The following ANXA4 variants were observed in gnomAD, a reference collection of about 807,000 sequenced individuals.
The protein encoded by ANXA4 is annexin A4.
In ANXA4, 39 loss-of-function variants were observed where a neutral mutation model predicts 49.8. The ratio of observed to expected loss-of-function variants is 0.78; its 90% CI spans 0.61 to 1.02. The LOEUF (loss-of-function observed/expected upper bound fraction) is 1.02, where lower values mean the gene tolerates loss of function less well. ANXA4 is among the 50% of genes least tolerant of loss of function. The pLI, the probability that ANXA4 is intolerant of heterozygous loss-of-function variation, is 0.00. For missense variants in ANXA4, 360 were observed against 410.1 expected, an observed-to-expected ratio of 0.88 and a Z score of 1.05; for synonymous variants, 134 against 152.5, an observed-to-expected ratio of 0.88 and a Z score of 0.89.
intron 1 of ANXA4, among the ~76,000 whole-genome samples, chr2:69,745,619 C>T (rs757006799): frequency 3.0e-4 from 45 of 151,972 alleles, no homozygotes; most frequent in Middle Eastern, 3.4e-3. Flanking sequence ...CAACCTTTGC[C>T]TCCCAGGTTC....
rs187896258 is a variant in ANXA4 at position 69,778,585 on chromosome 2, G to A, written c.-46-2935G>A. Among the ~76,000 whole-genome samples, 382 of 152,236 alleles carry A rather than the reference G, an allele frequency of 2.5e-3. 1 individual carries two copies. Among genetic ancestry groups the A allele is most frequent in the Non-Finnish European group, 3.2e-3 (218 of 68,020 alleles). ...GACGTCGGGAGTTCGAGACCAGCCT[G>A]ACCAACATGGAGAAACCCTGTCTCT... On this transcript the variant is annotated intron_variant, in intron 1 of 12. Transcript: ENST00000394295.
At position 69,769,851 on chromosome 2, in the gene ANXA4, T is replaced by C. The variant is rs1041525817; in HGVS notation, c.-46-11669T>C. 3.9e-5 allele frequency among the ~76,000 whole-genome samples: 6 copies of C among 152,074 alleles called. No homozygotes were observed. In the East Asian group the frequency reaches 1.2e-3, roughly 29 times the overall value. On this transcript the variant is annotated intron_variant, in intron 1 of 12. Coordinates refer to ENST00000394295, the MANE Select transcript of ANXA4 (RefSeq NM_001153.5). The stretch of plus-strand genomic sequence containing the variant: ...CTAATTTTTGTATTTTTAGTAGAGA[T>C]GGGGTTTCCTCATGTTGGCCAGGCT...
At chr2:69,655,473 A>G (rs1676403339) in intron 2 of ANXA4, among the ~76,000 whole-genome samples, 1 of 152,214 alleles carries the variant, frequency 6.6e-6, no homozygotes, top group South Asian at 2.1e-4. Flanking sequence ...CAAAACCACA[A>G]TGAGATACCA....
chr2:69,723,572 T>C (rs1033318577), intron 3 of ANXA4, among the ~76,000 whole-genome samples: 5 of 152,186 alleles, frequency 3.3e-5, no homozygotes, highest in African/African-American at 9.6e-5. Context: ...TGAATAAACA[T>C]TTTCCTTTAG....
intron 3 of ANXA4, among the ~76,000 whole-genome samples, chr2:69,795,529 T>A (rs1672909467): frequency 6.6e-6 from 1 of 152,146 alleles, no homozygotes; most frequent in African/African-American, 2.4e-5. Context: ...TGTTACAGGG[T>A]CTGAGGAGGC....
At chr2:69,679,818 A>G (rs1677534333) in intron 2 of ANXA4, among the ~76,000 whole-genome samples, 1 of 152,200 alleles carries the variant, frequency 6.6e-6, no homozygotes, top group Non-Finnish European at 1.5e-5. Flanking sequence ...TTGGCTGGAA[A>G]TAAGTGGATT....
intron 1 of ANXA4, among the ~76,000 whole-genome samples, chr2:69,761,659 G>A (rs148234818): frequency 5.0e-4 from 76 of 151,754 alleles, no homozygotes; most frequent in African/African-American, 1.8e-3. Context: ...AGTGGCTCAC[G>A]CCTGTAATCC....
chr2:69,691,564 C>G (rs576828904), intron 2 of ANXA4, among the ~76,000 whole-genome samples: 8 of 51,462 alleles, frequency 1.6e-4, no homozygotes, highest in Middle Eastern at 0.011. Flanking sequence ...TTCACACACA[C>G]ACACACATGC....
At chr2:69,676,267 A>G (rs998703111) in intron 2 of ANXA4, among the ~76,000 whole-genome samples, 1 of 152,068 alleles carries the variant, frequency 6.6e-6, no homozygotes, top group Non-Finnish European at 1.5e-5. Context: ...AGTAAATAAA[A>G]ATTAAACTAA....
chr2:69,729,848 A>G (rs1276880480), intron 3 of ANXA4, among the ~76,000 whole-genome samples: 1 of 152,244 alleles, frequency 6.6e-6, no homozygotes, highest in Non-Finnish European at 1.5e-5. Flanking sequence ...ATAATTCTCC[A>G]TGGCTTCTGT....
At chr2:69,748,778 G>A (rs910876498) in intron 1 of ANXA4, among the ~76,000 whole-genome samples, 5 of 148,298 alleles carry the variant, frequency 3.4e-5, no homozygotes, top group South Asian at 4.2e-4. Flanking sequence ...TGGCATGATC[G>A]TGGCTCACTG....
intron 3 of ANXA4, among the ~76,000 whole-genome samples, chr2:69,795,287 G>A (rs1011065576): frequency 3.3e-5 from 5 of 152,170 alleles, no homozygotes; most frequent in African/African-American, 1.2e-4. Flanking sequence ...TGGTCTGGCC[G>A]GAGGGATCCT....
intron 2 of ANXA4, among the ~76,000 whole-genome samples, chr2:69,714,944 A>G (rs1347759672): frequency 6.6e-6 from 1 of 152,226 alleles, no homozygotes; most frequent in Non-Finnish European, 1.5e-5. Context: ...CAGTGAAGTC[A>G]AGTAACAGAT....
intron 3 of ANXA4, among the ~76,000 whole-genome samples, chr2:69,728,965 A>G (rs551092130): frequency 6.6e-6 from 1 of 152,296 alleles, no homozygotes; most frequent in African/African-American, 2.4e-5. Flanking sequence ...CATATTTACC[A>G]TATTAAATCA....
intron 2 of ANXA4, among the ~76,000 whole-genome samples, chr2:69,787,418 G>T (rs1177628686): frequency 2.0e-5 from 3 of 152,180 alleles, no homozygotes; most frequent in African/African-American, 7.2e-5. Context: ...CGTTTTTTAA[G>T]TGCTGTGTCT....
rs534790976 is a variant in ANXA4 at position 69,664,829 on chromosome 2, G to A, written n.766+11547G>A. Among the ~76,000 whole-genome samples, 8 of 152,276 alleles carry A rather than the reference G, an allele frequency of 5.3e-5. No individual in the cohort carries two copies. In the East Asian group the frequency reaches 7.7e-4, roughly 15 times the overall value. The stretch of plus-strand genomic sequence containing the variant: ...TAAAGTAATGCTATGTTGGCCAGGC[G>A]CAGTGGCTTATGCCTGTAATCCCAG... On this transcript the variant is annotated intron_variant and non_coding_transcript_variant, in intron 2 of 3. Transcript: ENST00000418066.
At chr2:69,683,372 T>C (rs976871218) in intron 2 of ANXA4, among the ~76,000 whole-genome samples, 3 of 152,184 alleles carry the variant, frequency 2.0e-5, no homozygotes, top group African/African-American at 7.2e-5. Context: ...TTTGTTCTAA[T>C]TGAGTGATGT....
At chr2:69,679,159 C>T (rs953201676) in intron 2 of ANXA4, among the ~76,000 whole-genome samples, 1 of 151,984 alleles carries the variant, frequency 6.6e-6, no homozygotes, top group Admixed American at 6.6e-5. Context: ...GGTTTTGAGA[C>T]AAAGTCTCAC....
chr2:69,808,596 T>G (rs1416141931), intron 6 of ANXA4: 2 of 152,986 alleles, frequency 1.3e-5, no homozygotes, highest in Admixed American at 1.3e-4. Context: ...AACAAAATAT[T>G]ATACACTTAC....
Sources: gnomAD v4.1 joint callset for allele counts (sites outside exome capture counted in the v4.1 genomes callset) on GRCh38, gnomAD v4.1.1 for gene constraint, MANE v1.5 for transcripts, NCBI Gene and HGNC (gene_info 2026-07-23, HGNC 2026-07-21) for gene names.